ZXDC: variants seen among roughly 807,000 people sequenced by gnomAD.
ZXDC encodes ZXD family zinc finger C.
Under a neutral mutation model 63.6 loss-of-function variants are expected in ZXDC, and 58 were observed. That is an observed-to-expected ratio of 0.91 (90% confidence interval 0.74 to 1.13). ZXDC has a LOEUF of 1.13. Ranked by LOEUF, ZXDC falls within the 50% of genes most tolerant of loss-of-function variation. The pLI is 0.00. For missense variants in ZXDC, 1,133 were observed against 1,148.9 expected (o/e 0.99, Z 0.20); for synonymous variants, 561 against 496.1 (o/e 1.13, Z -1.74).
intron 7 of ZXDC, chr3:126,451,541 TCA>T (rs1226224157): frequency 4.1e-6 from 4 of 985,256 alleles, no homozygotes; most frequent in South Asian, 4.7e-5. Flanking sequence ...TCCAAAAACA[TCA>T]CAGAGTGTCC....
At chr3:126,442,795 T>C (rs1171290108) in intron 7 of ZXDC, 1 of 152,212 alleles carries the variant, frequency 6.6e-6, no homozygotes, top group Non-Finnish European at 1.5e-5. Flanking sequence ...GATCCAGCTA[T>C]GAACGGCTTC....
chr3:126,474,514 AG>A (rs2107662613), intron 1 of ZXDC, among the ~76,000 whole-genome samples: 1 of 152,364 alleles, frequency 6.6e-6, no homozygotes, highest in African/African-American at 2.4e-5. Flanking sequence ...AAAAAAAGCC[AG>A]GATGTGCGCA....
rs114308924 is a variant in ZXDC, at chr3:126,458,542, T to A, written c.2212+1111A>T. ...TATGAGCCACCGCACCTGGCCAATGTCCTTACTTTTTAAAGATAATGCTGA... is the reference window on the plus strand; with the variant it reads ...TATGAGCCACCGCACCTGGCCAATGACCTTACTTTTTAAAGATAATGCTGA... On this transcript the variant is annotated intron_variant, in intron 7 of 9. Coordinates refer to ENST00000389709, the MANE Select transcript of ZXDC (RefSeq NM_025112.5). 1.4e-3 allele frequency: 1,357 copies of A among 978,290 alleles called. 14 individuals are homozygous for A. In the African/African-American group the frequency reaches 0.021, roughly 15 times the overall value. The allele number at this position is 978,290 out of a possible 1,614,324, so 60.6% of individuals were successfully genotyped here. A position where few individuals can be genotyped will look rare whatever the true frequency, so the allele number is the denominator to read the frequency against.
rs1316488277 is a variant in ZXDC, at chr3:126,461,882, C to T, written c.1780G>A (p.Gly594Ser). The T allele has an allele frequency of 6.2e-7, 1 of 1,614,090 alleles. No individual in the cohort carries two copies. The highest frequency in any genetic ancestry group is 8.5e-7 in the Non-Finnish European group (1 of 1,180,048). ...TGCACGTCATCCACACTGAAGCTGC[C>T]CTGCTGCAGAACCGTGGCTGCTGTC... ...LGTAATVLQQ[G>S]SFSVDDVQTV... The change falls in exon 6 of 10, where the codon GGC (glycine) becomes AGC (serine). Residue 594 changes from glycine to serine, a missense_variant. By Grantham distance (56) the Gly-to-Ser change is moderately conservative. Transcript: ENST00000389709.
chr3:126,472,004 T>A lies in ZXDC; in HGVS notation c.1108A>T (p.Thr370Ser), dbSNP rs1224977856. The change falls in exon 3 of 10, where the codon ACC (threonine) becomes TCC (serine). Residue 370 changes from threonine (T) to serine (S), a missense_variant. Coordinates refer to ENST00000389709, the MANE Select transcript of ZXDC (RefSeq NM_025112.5). The part of the protein sequence containing the change: ...CDSDSCGWTF[T>S]SMSKLLRHRR... ...TGCCTTAGAAGTTTGGACATGCTGG[T>A]GAAGGTCCAGCCACAGCTGTCAGAG... 1 of 1,613,664 alleles carries A rather than the reference T, an allele frequency of 6.2e-7. No individual in the cohort carries two copies. Among genetic ancestry groups the A allele is most frequent in the South Asian group, 1.1e-5 (1 of 90,890 alleles).
chr3:126,468,538 T>C (rs1258493184), intron 4 of ZXDC, among the ~76,000 whole-genome samples: 3 of 151,962 alleles, frequency 2.0e-5, no homozygotes, highest in South Asian at 4.1e-4. Context: ...CCAGTTTCTC[T>C]CCCAGCACAA....
At chr3:126,438,484 G>C (rs1286107482) in intron 9 of ZXDC, 23 bp from the exon 10 acceptor site, 1 of 1,607,518 alleles carries the variant, frequency 6.2e-7, no homozygotes, top group Non-Finnish European at 8.5e-7. Context: ...GCATTGTCAT[G>C]AAGAGGGAGG....
chr3:126,441,713 G>C, intron 8 of ZXDC, 52 bp downstream of exon 8: 5 of 1,516,400 alleles, frequency 3.3e-6, no homozygotes, highest in Middle Eastern at 2.4e-4. Context: ...TCAGACCTGC[G>C]TGACCCTCCC....
At chr3:126,438,551 C>T (rs982513166) in intron 9 of ZXDC, 90 bp from the exon 10 acceptor site, 47 of 1,171,044 alleles carry the variant, frequency 4.0e-5, no homozygotes, top group Middle Eastern at 3.9e-4. Flanking sequence ...TGACCAGGCC[C>T]GTGGTGAGAT....
intron 7 of ZXDC, chr3:126,452,218 G>C: frequency 3.0e-6 from 3 of 985,410 alleles, no homozygotes; most frequent in Non-Finnish European, 3.6e-6. Context: ...TGAAGTCTTA[G>C]CTACAGTGCA....
Position 126,438,170 on chromosome 3 carries a change from A to G in ZXDC, c.*205T>C, listed in dbSNP as rs1933533983. Reference sequence around the variant, plus strand: ...CCTTGCCAAAGCACTTTGCTCACAAAGGCAGTTTCAAAGAGTATAGCCCGA... The same window carrying G: ...CCTTGCCAAAGCACTTTGCTCACAAGGGCAGTTTCAAAGAGTATAGCCCGA... On this transcript the variant is annotated 3_prime_UTR_variant, in exon 10 of 10. Coordinates refer to ENST00000389709, the MANE Select transcript of ZXDC (RefSeq NM_025112.5). 1 of 595,344 alleles carries G rather than the reference A, an allele frequency of 1.7e-6. No individual in the cohort carries two copies. 36.9% of individuals were successfully genotyped at this position (595,344 alleles called of 1,614,324 possible). A position where few individuals can be genotyped will look rare whatever the true frequency, so the allele number is the denominator to read the frequency against.
chr3:126,451,203 T>C (rs1414366153), intron 7 of ZXDC: 1 of 985,372 alleles, frequency 1.0e-6, no homozygotes, highest in Non-Finnish European at 1.2e-6. Context: ...TAATAAAACA[T>C]TCACAATCTT....
rs1322808531 is a variant in ZXDC, at chr3:126,461,765, A to C, written c.1897T>G (p.Leu633Val). 2 of 1,613,814 alleles carry C rather than the reference A, an allele frequency of 1.2e-6. No individual in the cohort carries two copies. The highest frequency in any genetic ancestry group is 2.7e-5 in the African/African-American group (2 of 74,842). ...DPLALTSNSN[L>V]AAHITTPTSS... ...GTCGGTGTGGTGATATGTGCTGCTA[A>C]GTTACTATTGGAGGTCAAAGCCAGT... The change falls in exon 6 of 10, where the codon TTA becomes GTA. Residue 633 changes from leucine (L) to valine (V), a missense_variant. Leu to Val is a conservative substitution (Grantham distance 32). Coordinates refer to ENST00000389709, the MANE Select transcript of ZXDC (RefSeq NM_025112.5).
At position 126,461,742 on chromosome 3, in the gene ZXDC, C is replaced by A. The variant is rs569926360; in HGVS notation, c.1920G>T (p.Pro640=). ...NSNLAAHITT[P]TSSSTPRENA... ...TTTCTCGGGGGGTGCTCGAAGAGGT[C>A]GGTGTGGTGATATGTGCTGCTAAGT... is the stretch of plus-strand genomic sequence containing the variant. The change falls in exon 6 of 10, where the codon CCG becomes CCT. Residue 640 remains proline, a synonymous_variant. Coordinates refer to ENST00000389709, the MANE Select transcript of ZXDC (RefSeq NM_025112.5). The A allele has an allele frequency of 6.2e-7, 1 of 1,613,542 alleles. No homozygotes were observed. The highest frequency in any genetic ancestry group is 1.3e-5 in the African/African-American group (1 of 74,730).
intron 7 of ZXDC, among the ~76,000 whole-genome samples, chr3:126,447,020 G>C (rs1933907757): frequency 6.6e-6 from 1 of 152,320 alleles, no homozygotes; most frequent in Non-Finnish European, 1.5e-5. Context: ...TTTGCTTAGG[G>C]ATGTGCTGCT....
At chr3:126,451,548 G>C (rs1365927816) in intron 7 of ZXDC, 1 of 985,292 alleles carries the variant, frequency 1.0e-6, no homozygotes. Flanking sequence ...ACATCACAGA[G>C]TGTCCCCAGT....
intron 8 of ZXDC, chr3:126,440,036 C>T (rs972701347): frequency 5.2e-5 from 63 of 1,210,778 alleles, no homozygotes; most frequent in Non-Finnish European, 6.4e-5. Context: ...TCCTCAACTC[C>T]TTGCAGGTGC....
intron 7 of ZXDC, among the ~76,000 whole-genome samples, chr3:126,445,282 G>C (rs952217140): frequency 3.3e-5 from 5 of 152,086 alleles, no homozygotes; most frequent in African/African-American, 1.2e-4. Context: ...CAACAGCAGA[G>C]GGCTGGCAAA....
At chr3:126,442,755 C>G (rs1933731718) in intron 7 of ZXDC, 2 of 152,228 alleles carry the variant, frequency 1.3e-5, no homozygotes, top group Non-Finnish European at 2.9e-5. Flanking sequence ...TGTCACTGCT[C>G]TGCCCACACA....
Sources: allele counts gnomAD v4.1 joint callset (sites outside exome capture counted in the v4.1 genomes callset), GRCh38; gene constraint gnomAD v4.1.1; transcripts MANE v1.5; gene names NCBI Gene and HGNC (gene_info 2026-07-23, HGNC 2026-07-21).